Variants in SGCD observed in about 807,000 individuals in gnomAD.
The protein encoded by SGCD is delta-sarcoglycan.
Under a neutral mutation model 36.6 loss-of-function variants are expected in SGCD, and 18 were observed. The ratio of observed to expected loss-of-function variants is 0.49; its 90% confidence interval spans 0.34 to 0.73. The LOEUF is 0.73. SGCD is among the 30% of genes least tolerant of loss of function. SGCD has a pLI of 0.01. For missense variants in SGCD, 387 were observed against 346.7 expected, an observed-to-expected ratio of 1.12 and a Z score of -0.92; for synonymous variants, 133 against 130.6, an observed-to-expected ratio of 1.02 and a Z score of -0.12.
At chr5:156,320,567 TAATTA>T (rs1176596125) in intron 3 of SGCD, among the ~76,000 whole-genome samples, 1 of 152,358 alleles carries the variant, frequency 6.6e-6, no homozygotes, top group Non-Finnish European at 1.5e-5. Context: ...TTGTGCTCTT[TAATTA>T]ATTTCTTTTA....
At chr5:155,947,824 T>C (rs941336110) in intron 1 of SGCD, among the ~76,000 whole-genome samples, 1 of 151,938 alleles carries the variant, frequency 6.6e-6, no homozygotes, top group African/African-American at 2.4e-5. Context: ...GCAGAAGAGA[T>C]ACTGGAGAGA....
At chr5:155,778,681 T>C in the SGCD span, among the ~76,000 whole-genome samples, 3 of 152,130 alleles carry the variant, frequency 2.0e-5, no homozygotes, top group African/African-American at 7.2e-5. Flanking sequence ...TCCAGACCCA[T>C]TTCAAGGTAT....
At chr5:156,535,290 C>T (rs1581131187) in intron 4 of SGCD, among the ~76,000 whole-genome samples, 2 of 152,194 alleles carry the variant, frequency 1.3e-5, no homozygotes, top group East Asian at 3.8e-4. Context: ...CCCCAGTTGG[C>T]ACAGTTGATT....
At chr5:155,943,771 A>T (rs2113415670) in intron 1 of SGCD, among the ~76,000 whole-genome samples, 1 of 151,894 alleles carries the variant, frequency 6.6e-6, no homozygotes, top group Middle Eastern at 3.4e-3. Flanking sequence ...ACACACCAAC[A>T]CAATTTTGAA....
chr5:156,589,004 G>GTGTGTGTGTC (rs1760609098), intron 4 of SGCD, among the ~76,000 whole-genome samples: 1 of 151,830 alleles, frequency 6.6e-6, no homozygotes, highest in African/African-American at 2.4e-5. Context: ...GTGTGTGTGT[G>GTGTGTGTGTC]TGTGTGTGTG....
chr5:156,692,444 T>C (rs1201153616), intron 7 of SGCD, among the ~76,000 whole-genome samples: 2 of 152,334 alleles, frequency 1.3e-5, no homozygotes, highest in East Asian at 1.9e-4. Flanking sequence ...CAGCTGAAGA[T>C]CTAACTCTGC....
At chr5:156,693,874 G>A (rs1754206943) in intron 7 of SGCD, among the ~76,000 whole-genome samples, 1 of 152,080 alleles carries the variant, frequency 6.6e-6, no homozygotes, top group Admixed American at 6.6e-5. Context: ...CTTTTACATG[G>A]TAAGAATCGG....
intron 3 of SGCD, among the ~76,000 whole-genome samples, chr5:156,181,006 C>A (rs1763592864): frequency 6.6e-6 from 1 of 152,112 alleles, no homozygotes; most frequent in Non-Finnish European, 1.5e-5. Context: ...AAGACAAATG[C>A]ATTTCTTTTG....
intron 3 of SGCD, among the ~76,000 whole-genome samples, chr5:156,262,186 G>C (rs1765886042): frequency 6.6e-6 from 1 of 152,056 alleles, no homozygotes; most frequent in Non-Finnish European, 1.5e-5. Flanking sequence ...GACTCACTCA[G>C]AGCAACTTCC....
intron 3 of SGCD, among the ~76,000 whole-genome samples, chr5:156,268,397 C>G (rs964878279): frequency 6.6e-6 from 1 of 152,158 alleles, no homozygotes; most frequent in African/African-American, 2.4e-5. Flanking sequence ...ATTGGCTTTA[C>G]ACAATGGTTG....
At chr5:155,927,905 A>G (rs1757024276) in intron 1 of SGCD, among the ~76,000 whole-genome samples, 1 of 152,168 alleles carries the variant, frequency 6.6e-6, no homozygotes, top group Non-Finnish European at 1.5e-5. Context: ...TTTTCTTAAC[A>G]CTTTTTTGAA....
chr5:156,265,815 A>G (rs1215926947), intron 3 of SGCD, among the ~76,000 whole-genome samples: 3 of 152,124 alleles, frequency 2.0e-5, no homozygotes, highest in Non-Finnish European at 4.4e-5. Context: ...TAAGTGATAC[A>G]ATGGATTAAC....
chr5:155,818,546 A>G, the SGCD span, among the ~76,000 whole-genome samples: 3 of 152,104 alleles, frequency 2.0e-5, no homozygotes, highest in Admixed American at 6.5e-5. Context: ...TTTGAGATAG[A>G]GTCTCACGTT....
At chr5:155,907,706 T>C (rs1363401000) in intron 1 of SGCD, among the ~76,000 whole-genome samples, 4 of 152,130 alleles carry the variant, frequency 2.6e-5, no homozygotes, top group South Asian at 4.1e-4. Context: ...CTCCTTCTTA[T>C]GGATAAGCAA....
chr5:156,241,959 C>A (rs1331264166), intron 3 of SGCD, among the ~76,000 whole-genome samples: 2 of 152,136 alleles, frequency 1.3e-5, no homozygotes, highest in African/African-American at 4.8e-5. Context: ...AGAATGAGAG[C>A]TGGCCCTCAA....
the SGCD span, among the ~76,000 whole-genome samples, chr5:155,843,989 C>T: frequency 2.0e-5 from 3 of 152,200 alleles, no homozygotes; most frequent in Admixed American, 6.5e-5. Flanking sequence ...TGGATTAATA[C>T]AGTGCTATAC....
intron 4 of SGCD, among the ~76,000 whole-genome samples, chr5:156,532,025 G>T (rs567242289): frequency 6.6e-6 from 1 of 152,056 alleles, no homozygotes; most frequent in Non-Finnish European, 1.5e-5. Context: ...CAGGAGAATC[G>T]CTTGAACCCA....
chr5:156,070,074 A>C (rs902177875), intron 1 of SGCD, among the ~76,000 whole-genome samples: 54 of 151,230 alleles, frequency 3.6e-4, no homozygotes, highest in Non-Finnish European at 5.7e-4. Context: ...TGTCATCTGC[A>C]AACAGGGACA....
chr5:156,218,352 A>G (rs1185791974), intron 3 of SGCD, among the ~76,000 whole-genome samples: 1 of 152,220 alleles, frequency 6.6e-6, no homozygotes, highest in Non-Finnish European at 1.5e-5. Context: ...AAAAAAGAGA[A>G]GAAAAAATTA....
Sources: allele counts gnomAD v4.1 joint callset (sites outside exome capture counted in the v4.1 genomes callset), GRCh38; gene constraint gnomAD v4.1.1; transcripts MANE v1.5; gene names NCBI Gene and HGNC (gene_info 2026-07-23, HGNC 2026-07-21).